The following FRMD4B variants were observed in gnomAD, a reference collection of about 807,000 sequenced individuals.
The protein encoded by FRMD4B is FERM domain containing 4B, also known as FERM domain-containing protein 4B.
Under a neutral mutation model 141.5 loss-of-function variants are expected in FRMD4B, and 74 were observed. The ratio of observed to expected loss-of-function variants is 0.52; its 90% confidence interval spans 0.43 to 0.63. The LOEUF (loss-of-function observed/expected upper bound fraction) is 0.63. FRMD4B is among the 30% of genes least tolerant of loss of function. The pLI, the probability that FRMD4B is intolerant of heterozygous loss-of-function variation, is 0.00. For synonymous variants in FRMD4B, 506 were observed against 467.9 expected (o/e 1.08, Z -1.05); for missense variants, 1,366 against 1,253.4 (o/e 1.09, Z -1.36).
At chr3:69,185,237 C>T (rs1164947246) in intron 19 of FRMD4B, among the ~76,000 whole-genome samples, 4 of 147,608 alleles carry the variant, frequency 2.7e-5, no homozygotes. Context: ...GGAGGCGGAG[C>T]TTGCAGTAAG....
intron 1 of FRMD4B, among the ~76,000 whole-genome samples, chr3:69,318,740 T>C (rs531934692): frequency 6.6e-6 from 1 of 152,302 alleles, no homozygotes; most frequent in South Asian, 2.1e-4. Context: ...TATGAATAAA[T>C]ATTAGTTGAT....
chr3:69,483,184 T>C (rs1706159058), intron 1 of FRMD4B, among the ~76,000 whole-genome samples: 2 of 152,232 alleles, frequency 1.3e-5, no homozygotes, highest in African/African-American at 2.4e-5. Context: ...TAAGTATGTA[T>C]GTTTCTAGGT....
chr3:69,284,066 C>A (rs542515836), intron 5 of FRMD4B, among the ~76,000 whole-genome samples: 2 of 151,982 alleles, frequency 1.3e-5, no homozygotes, highest in South Asian at 4.1e-4. Flanking sequence ...TTGAACAAGG[C>A]GAGCCCTATG....
At chr3:69,500,668 C>G (rs1248182100) in intron 1 of FRMD4B, among the ~76,000 whole-genome samples, 2 of 152,068 alleles carry the variant, frequency 1.3e-5, no homozygotes, top group African/African-American at 4.8e-5. Context: ...CTGGTAAGAA[C>G]TGGAACCACA....
Position 69,195,290 on chromosome 3 carries a change from A to G in FRMD4B, c.1309T>C (p.Leu437=). The G allele has an allele frequency of 6.2e-7, 1 of 1,613,484 alleles. No homozygotes were observed. Among genetic ancestry groups the G allele is most frequent in the Non-Finnish European group, 8.5e-7 (1 of 1,179,660 alleles). The change falls in exon 15 of 23, where the codon TTA becomes CTA. Residue 437 remains leucine, a synonymous_variant. Coordinates refer to ENST00000398540, the MANE Select transcript of FRMD4B (RefSeq NM_015123.3). ...ACTTTTTTCAGAAGTTTTTCTTGTA[A>G]TAGTTTCTCCTTCTTCTTTAGTTCA... is the stretch of plus-strand genomic sequence containing the variant. ...ILELKKKEKL[L]QEKLLKKVEE...
At chr3:69,225,404 A>G (rs895414514) in intron 7 of FRMD4B, among the ~76,000 whole-genome samples, 1 of 151,896 alleles carries the variant, frequency 6.6e-6, no homozygotes, top group East Asian at 1.9e-4. Context: ...GGCCGGACAC[A>G]GTGGCTTACG....
intron 11 of FRMD4B, 163 bp from the exon 12 acceptor site, chr3:69,198,937 A>G (rs2092937389): frequency 1.7e-6 from 1 of 602,696 alleles, no homozygotes; most frequent in Non-Finnish European, 3.0e-6. Context: ...ATGACCTGAA[A>G]CCATTTTATT....
At chr3:69,502,480 T>C (rs1172255132) in intron 1 of FRMD4B, among the ~76,000 whole-genome samples, 5 of 152,218 alleles carry the variant, frequency 3.3e-5, no homozygotes, top group African/African-American at 1.2e-4. Context: ...GCTAGCCATA[T>C]GTAGAAAGCT....
intron 3 of FRMD4B, among the ~76,000 whole-genome samples, chr3:69,307,843 A>G (rs1701444453): frequency 6.6e-6 from 1 of 151,938 alleles, no homozygotes; most frequent in African/African-American, 2.4e-5. Context: ...TCCCTATAAC[A>G]TCCTTCCATG....
chr3:69,215,086 C>T (rs941802693), intron 11 of FRMD4B, among the ~76,000 whole-genome samples: 1 of 150,684 alleles, frequency 6.6e-6, no homozygotes, highest in African/African-American at 2.4e-5. Context: ...CACCTTGTTG[C>T]CTTGGCTGAT....
At chr3:69,455,847 A>G (rs1327523668) in intron 1 of FRMD4B, among the ~76,000 whole-genome samples, 4 of 152,228 alleles carry the variant, frequency 2.6e-5, no homozygotes, top group African/African-American at 7.2e-5. Flanking sequence ...CAAAGAAAAC[A>G]GACCACAGGG....
intron 11 of FRMD4B, among the ~76,000 whole-genome samples, chr3:69,201,486 A>G (rs1169480900): frequency 1.3e-5 from 2 of 152,328 alleles, no homozygotes; most frequent in East Asian, 1.9e-4. Flanking sequence ...TCTGTTTTGT[A>G]CAAGAGTGAG....
chr3:69,476,120 T>C (rs1705992495), intron 1 of FRMD4B, among the ~76,000 whole-genome samples: 1 of 150,728 alleles, frequency 6.6e-6, no homozygotes, highest in African/African-American at 2.5e-5. Context: ...GTCAGATGAG[T>C]AGGTTGTGAA....
chr3:69,473,141 T>G (rs1705924868), intron 1 of FRMD4B, among the ~76,000 whole-genome samples: 1 of 152,066 alleles, frequency 6.6e-6, no homozygotes, highest in Non-Finnish European at 1.5e-5. Context: ...TTAGCCCTTC[T>G]TTTCAGAAGT....
intron 1 of FRMD4B, among the ~76,000 whole-genome samples, chr3:69,461,647 A>AAAAAAAAAAC (rs1648731185): frequency 6.6e-6 from 1 of 150,790 alleles, no homozygotes; most frequent in African/African-American, 2.4e-5. Flanking sequence ...AAAAAAAAAA[A>AAAAAAAAAAC]AGAAACAGAT....
intron 1 of FRMD4B, among the ~76,000 whole-genome samples, chr3:69,335,732 GT>G (rs34854483): frequency 0.25 from 34,556 of 137,510 alleles, 3,147 homozygotes; most frequent in Admixed American, 0.31. Context: ...GCAGGACTGA[GT>G]TTTTTTTTTT....
chr3:69,182,579 G>C lies in FRMD4B; in HGVS notation c.2039+19C>G, dbSNP rs1575585791. The C allele has an allele frequency of 6.3e-7, 1 of 1,586,750 alleles. No homozygotes were observed. The highest frequency in any genetic ancestry group is 2.0e-5 in the Admixed American group (1 of 50,706). On this transcript the variant is annotated intron_variant, in intron 20 of 22. Transcript: ENST00000398540. Reference sequence around the variant, plus strand: ...CAAAAATCAAGACAGCTAAAGCAATGAGAAAGAAGCTCTCTTACTCCAAGT... The same window carrying C: ...CAAAAATCAAGACAGCTAAAGCAATCAGAAAGAAGCTCTCTTACTCCAAGT...
At chr3:69,270,140 G>A (rs1279757235) in intron 5 of FRMD4B, among the ~76,000 whole-genome samples, 2 of 151,932 alleles carry the variant, frequency 1.3e-5, no homozygotes, top group African/African-American at 4.8e-5. Flanking sequence ...CTTGGCCTAC[G>A]GCGTAGCCAG....
chr3:69,249,186 G>A (rs761781673), intron 7 of FRMD4B, 40 bp downstream of exon 7: 1 of 1,293,800 alleles, frequency 7.7e-7, no homozygotes, highest in Non-Finnish European at 1.1e-6. Flanking sequence ...GATTCTTTAG[G>A]GTTATTTTGC....
Sources: gnomAD v4.1 joint callset for allele counts (sites outside exome capture counted in the v4.1 genomes callset) on GRCh38, gnomAD v4.1.1 for gene constraint, MANE v1.5 for transcripts, NCBI Gene and HGNC (gene_info 2026-07-23, HGNC 2026-07-21) for gene names.